The following RAD21 variants were observed in gnomAD, a reference collection of about 807,000 sequenced individuals.
RAD21 encodes double-strand-break repair protein rad21 homolog.
Under a neutral mutation model 71.5 loss-of-function variants are expected in RAD21, and 18 were observed. The observed-to-expected ratio is 0.25, with a 90% CI of 0.17 to 0.37. The LOEUF (loss-of-function observed/expected upper bound fraction) is 0.37, where lower values mean the gene tolerates loss of function less well. RAD21 is among the 10% of genes least tolerant of loss of function. The pLI, the probability that RAD21 is intolerant of heterozygous loss-of-function variation, is 1.00. For synonymous variants in RAD21, 248 were observed against 254.0 expected, an observed-to-expected ratio of 0.98 and a Z score of 0.22; for missense variants, 493 against 769.1, an observed-to-expected ratio of 0.64 and a Z score of 4.25.
At position 116,868,557 on chromosome 8, in the gene RAD21, T is replaced by G. The variant is rs17435832; in HGVS notation, c.-32-1796A>C. On this transcript the variant is annotated intron_variant, in intron 1 of 13. Coordinates refer to ENST00000297338, the MANE Select transcript of RAD21 (RefSeq NM_006265.3). ...GTATTGTTAAGTATATGTTTAGTTT[T>G]TAAAGAATCTTTAATACAATTATCA... 3.1e-3 allele frequency among the ~76,000 whole-genome samples: 476 copies of G among 152,160 alleles called. 4 individuals are homozygous for G. The highest frequency in any genetic ancestry group is 0.011 in the African/African-American group (450 of 41,518).
At position 116,858,237 on chromosome 8, in the gene RAD21, T is replaced by C. The variant is rs988737464; in HGVS notation, c.481+115A>G. On this transcript the variant is annotated intron_variant, in intron 5 of 13. Coordinates refer to ENST00000297338, the MANE Select transcript of RAD21 (RefSeq NM_006265.3). The stretch of plus-strand genomic sequence containing the variant: ...AGCCAAATTCTTTTCTTGATGAAAA[T>C]GCATTACATGAAATTTTAAGTCTTT... The C allele has an allele frequency of 1.4e-5, 10 of 730,732 alleles. No homozygotes were observed. The African/African-American group carries it at 1.4e-4, about 10-fold the overall frequency. The allele number at this position is 730,732 out of a possible 1,614,324, so 45.3% of individuals were successfully genotyped here. A position where few individuals can be genotyped will look rare whatever the true frequency, so the allele number is the denominator to read the frequency against.
chr8:116,866,940 TGA>T (rs1047537750), intron 1 of RAD21, 179 bp from the exon 2 acceptor site: 16 of 413,404 alleles, frequency 3.9e-5, no homozygotes, highest in African/African-American at 3.3e-4. Flanking sequence ...GTTTTAATTT[TGA>T]GAGAGGAAAA....
chr8:116,848,885 C>G, intron 13 of RAD21, 61 bp downstream of exon 13: 1 of 1,345,966 alleles, frequency 7.4e-7, no homozygotes, highest in Non-Finnish European at 1.0e-6. Context: ...TTTTTTTTTT[C>G]AGGGAACAAT....
Position 116,863,124 on chromosome 8 carries a change from C to T in RAD21, c.274+6G>A, listed in dbSNP as rs769877017. On this transcript the variant is annotated splice_donor_region_variant and intron_variant, in intron 3 of 13. Transcript: ENST00000297338. ...AACAACAAAAACCAAACAAGTTTAA[C>T]AATACCTGGCCGAAAAGCCATCTTT... 1 of 1,598,708 alleles carries T rather than the reference C, an allele frequency of 6.3e-7. No homozygotes were observed. The highest frequency in any genetic ancestry group is 8.5e-7 in the Non-Finnish European group (1 of 1,170,446).
At chr8:116,869,443 C>T (rs759796924) in intron 1 of RAD21, among the ~76,000 whole-genome samples, 7 of 152,050 alleles carry the variant, frequency 4.6e-5, no homozygotes, top group African/African-American at 9.7e-5. Flanking sequence ...GAAACTGCTA[C>T]GTGTGGTGGC....
chr8:116,856,750 T>C lies in RAD21; in HGVS notation c.710A>G (p.Asn237Ser), dbSNP rs1216793932. 5 of 1,540,504 alleles carry C rather than the reference T, an allele frequency of 3.2e-6. No individual in the cohort carries two copies. The South Asian group carries it at 6.4e-5, about 20-fold the overall frequency. ...GILDDKLISNNDGGIFDDPPA... is the reference protein window; with the variant it reads ...GILDDKLISNSDGGIFDDPPA... ...GGGATCATCAAAGATACCGCCATCA[T>C]TATTACTAATAAGTTTGTCATCTGA... is the stretch of plus-strand genomic sequence containing the variant. The change falls in exon 7 of 14, where the codon AAT (asparagine) becomes AGT (serine). Residue 237 changes from asparagine (N) to serine (S), a missense_variant. This residue lies in a region of RAD21 where 165 missense variants were observed against 229.6 expected (regional missense o/e 0.72). Transcript: ENST00000297338.
chr8:116,856,494 C>T, intron 7 of RAD21, 152 bp downstream of exon 7: 1 of 1,220,068 alleles, frequency 8.2e-7, no homozygotes, highest in African/African-American at 1.6e-5. Flanking sequence ...CAAGATTAAA[C>T]ATAGAATCAG....
intron 5 of RAD21, 73 bp from the exon 6 acceptor site, chr8:116,857,546 GATTT>G: frequency 1.7e-6 from 2 of 1,203,400 alleles, no homozygotes; most frequent in South Asian, 2.7e-5. Context: ...AACTGCTAAT[GATTT>G]ATTCTAATTA....
intron 2 of RAD21, among the ~76,000 whole-genome samples, chr8:116,863,583 C>T (rs1379657070): frequency 1.3e-5 from 2 of 152,120 alleles, no homozygotes; most frequent in Admixed American, 1.3e-4. Context: ...GTTTGAGAAG[C>T]AAATGTCCCC....
At chr8:116,862,570 A>G (rs979814803) in intron 3 of RAD21, among the ~76,000 whole-genome samples, 4 of 152,092 alleles carry the variant, frequency 2.6e-5, no homozygotes, top group South Asian at 2.1e-4. Context: ...TCTTAATAAA[A>G]TACACATTAT....
At chr8:116,849,096 C>G (rs922162171) in intron 12 of RAD21, 67 bp from the exon 13 acceptor site, 2 of 1,045,068 alleles carry the variant, frequency 1.9e-6, no homozygotes, top group East Asian at 5.6e-5. Flanking sequence ...ATTTCTACAT[C>G]TCCTAAAAGC....
chr8:116,851,075 CTT>C (rs1449813143), intron 11 of RAD21: 2 of 182,704 alleles, frequency 1.1e-5, no homozygotes, highest in Non-Finnish European at 2.3e-5. Flanking sequence ...TATATTGTAA[CTT>C]ATAAATCATA....
At chr8:116,858,776 A>C (rs1372448357) in intron 4 of RAD21, among the ~76,000 whole-genome samples, 1 of 152,154 alleles carries the variant, frequency 6.6e-6, no homozygotes, top group Non-Finnish European at 1.5e-5. Context: ...AGGACCCTGC[A>C]ACTTACAGGC....
chr8:116,860,399 A>G (rs1481832702), intron 4 of RAD21, among the ~76,000 whole-genome samples: 1 of 152,170 alleles, frequency 6.6e-6, no homozygotes, highest in African/African-American at 2.4e-5. Flanking sequence ...GTACGCTACA[A>G]AGAAATCTCC....
At chr8:116,851,068 A>C (rs1812338930) in intron 11 of RAD21, 1 of 190,056 alleles carries the variant, frequency 5.3e-6, no homozygotes, top group East Asian at 1.2e-4. Context: ...AGGTTATTAT[A>C]TTGTAACTTA....
At position 116,856,226 on chromosome 8, in the gene RAD21, G is replaced by A; in HGVS notation, c.877C>T (p.Gln293Ter). The change falls in exon 8 of 14, where the codon CAA becomes TAA. Residue 293 changes from glutamine to a stop codon, truncating the protein, a stop_gained. Transcript: ENST00000297338. LOFTEE classifies it high-confidence loss of function. Reference protein sequence around the residue: ...PVEPMPTMTDQTTLVPNEEEA... With the variant: ...PVEPMPTMTD The stretch of plus-strand genomic sequence containing the variant: ...TCCTCATTTGGAACAAGTGTTGTTT[G>A]ATCAGTCATGGTTGGCATTGGTTCA... The A allele has an allele frequency of 6.3e-7, 1 of 1,579,572 alleles. No homozygotes were observed. Among genetic ancestry groups the A allele is most frequent in the Non-Finnish European group, 8.6e-7 (1 of 1,161,844 alleles).
At chr8:116,856,859 A>G (rs1352333982) in intron 6 of RAD21, 88 bp from the exon 7 acceptor site, 4 of 994,528 alleles carry the variant, frequency 4.0e-6, no homozygotes, top group Non-Finnish European at 5.5e-6. Flanking sequence ...AATTATGTTA[A>G]AAGGGATAAA....
At chr8:116,854,558 CT>C (rs1220715816) in intron 8 of RAD21, 90 bp from the exon 9 acceptor site, 3 of 935,660 alleles carry the variant, frequency 3.2e-6, no homozygotes, top group African/African-American at 1.7e-5. Context: ...TATTCCCCTG[CT>C]TTTCTACACA....
chr8:116,847,627 C>T lies in RAD21; in HGVS notation c.1769G>A (p.Arg590Lys), dbSNP rs1259649419. 6.2e-7 allele frequency: 1 copy of T among 1,614,086 alleles called. No homozygotes were observed. The highest frequency in any genetic ancestry group is 1.1e-5 in the South Asian group (1 of 91,080). The change falls in exon 14 of 14, where the codon AGA becomes AAA. Residue 590 changes from arginine to lysine, a missense_variant. Physicochemically the swap from Arg to Lys is conservative, Grantham distance 26. Transcript: ENST00000297338. Reference protein sequence around the residue: ...SLLELCRNTNRKQAAAKFYSF... With the variant: ...SLLELCRNTNKKQAAAKFYSF... ...GTAGAACTTTGCGGCAGCTTGTTTT[C>T]TGTTCGTATTTCGACATAACTCAAG...
Sources: gnomAD v4.1 joint callset for allele counts (sites outside exome capture counted in the v4.1 genomes callset) on GRCh38, gnomAD v4.1.1 for gene constraint, gnomAD v4.1.1 regional missense constraint, MANE v1.5 for transcripts, NCBI Gene and HGNC (gene_info 2026-07-23, HGNC 2026-07-21) for gene names.